PALM2AKAP2: variants seen among roughly 807,000 people sequenced by gnomAD.
PALM2AKAP2 encodes the protein PALM2 and AKAP2 fusion, also known as PALM2-AKAP2 fusion protein.
A neutral mutation model predicts 71.5 loss-of-function variants in PALM2AKAP2; 37 were observed. The observed-to-expected ratio is 0.52, with a 90% CI of 0.40 to 0.68. The LOEUF is 0.68. Ranked by LOEUF, PALM2AKAP2 falls within the 30% of genes least tolerant of loss-of-function variation. The pLI, the probability that PALM2AKAP2 is intolerant of heterozygous loss-of-function variation, is 0.00. For missense variants in PALM2AKAP2, 1,224 were observed against 1,191.8 expected, an observed-to-expected ratio of 1.03 and a Z score of -0.40; for synonymous variants, 468 against 478.8, an observed-to-expected ratio of 0.98 and a Z score of 0.29.
chr9:109,721,798 A>G (rs1828409206), intron 1 of PALM2AKAP2, among the ~76,000 whole-genome samples: 1 of 152,212 alleles, frequency 6.6e-6, no homozygotes, highest in African/African-American at 2.4e-5. Context: ...ATGCTCCATT[A>G]TGGCTAAAGT....
intron 1 of PALM2AKAP2, among the ~76,000 whole-genome samples, chr9:109,802,609 G>A (rs1263870133): frequency 6.6e-6 from 1 of 152,122 alleles, no homozygotes; most frequent in East Asian, 1.9e-4. Context: ...TATCTCCCAG[G>A]GCCTCAGAAT....
At chr9:110,099,866 T>C (rs1189340509) in intron 1 of PALM2AKAP2, among the ~76,000 whole-genome samples, 1 of 151,702 alleles carries the variant, frequency 6.6e-6, no homozygotes, top group African/African-American at 2.4e-5. Context: ...GTAAGTACCT[T>C]TTAGCTTTGT....
chr9:109,777,266 G>A (rs1480149315), upstream of PALM2AKAP2, among the ~76,000 whole-genome samples: 1 of 152,006 alleles, frequency 6.6e-6, no homozygotes, highest in Non-Finnish European at 1.5e-5. Flanking sequence ...TCCCTACTTC[G>A]TTATTCCTTC....
intron 1 of PALM2AKAP2, among the ~76,000 whole-genome samples, chr9:109,693,049 G>A (rs1318442279): frequency 2.0e-5 from 3 of 151,712 alleles, no homozygotes; most frequent in Non-Finnish European, 4.4e-5. Context: ...GTGTAGAATT[G>A]GCATTGCACT....
chr9:109,893,911 C>T (rs868099565), intron 3 of PALM2AKAP2, among the ~76,000 whole-genome samples: 1 of 151,736 alleles, frequency 6.6e-6, no homozygotes, highest in Non-Finnish European at 1.5e-5. Context: ...AGCAAGCCAC[C>T]ATGGTACATG....
intron 3 of PALM2AKAP2, among the ~76,000 whole-genome samples, chr9:109,884,340 C>T (rs7871424): frequency 0.63 from 96,356 of 151,976 alleles, 31,079 homozygotes; most frequent in East Asian, 0.85. Context: ...TGGTCGCCTG[C>T]AATCCCAGCT....
rs768179844 is a variant in PALM2AKAP2, at chr9:110,137,399, G to C, written c.1429G>C (p.Ala477Pro). ...TCCAGAAGACAGTGGTGCCTCAGCC[G>C]CCAAGGGACAGAAATCCCCCGGTGC... Residue 477 changes from alanine to proline, a missense_variant, in exon 2 of 4, where the codon GCC (alanine) becomes CCC (proline). Coordinates refer to ENST00000374525, the Ensembl canonical transcript of PALM2AKAP2. The C allele has an allele frequency of 1.8e-5, 29 of 1,613,982 alleles. No individual in the cohort carries two copies. In the East Asian group the frequency reaches 6.5e-4, roughly 36 times the overall value.
rs868471522 is a variant in PALM2AKAP2 at position 109,922,457 on chromosome 9, A to G, written c.258-1278A>G. Among the ~76,000 whole-genome samples the G allele has an allele frequency of 9.6e-3, 1,255 of 130,146 alleles. 23 individuals carry two copies. Among genetic ancestry groups the G allele is most frequent in the African/African-American group, 0.036 (1,211 of 33,834 alleles). 85.4% of individuals were successfully genotyped at this position (130,146 alleles called of 152,430 possible). On this transcript the variant is annotated intron_variant, in intron 3 of 9. Coordinates refer to the PALM2AKAP2 transcript ENST00000302798. Reference sequence around the variant, plus strand: ...AAAAAAAAAAAAAAAAAAAAAAAAAAGATGGAAAAGGAGGAAGGCAAGGGA... The same window carrying G: ...AAAAAAAAAAAAAAAAAAAAAAAAAGGATGGAAAAGGAGGAAGGCAAGGGA...
Position 109,938,489 on chromosome 9 carries a change from A to T in PALM2AKAP2, c.496+6461A>T, listed in dbSNP as rs536757657. ...ATACATATGCATTTTGTGACATAAC[A>T]TATCTAAGTTTATTTTATTATAAAA... On this transcript the variant is annotated intron_variant, in intron 6 of 9. Transcript: ENST00000302798. Among the ~76,000 whole-genome samples, 3 of 152,260 alleles carry T rather than the reference A, an allele frequency of 2.0e-5. No homozygotes were observed. In the South Asian group the frequency reaches 6.2e-4, roughly 32 times the overall value.
upstream of PALM2AKAP2, among the ~76,000 whole-genome samples, chr9:109,775,274 C>A (rs1829332937): frequency 6.6e-6 from 1 of 152,206 alleles, no homozygotes; most frequent in African/African-American, 2.4e-5. Context: ...TCATTTCTAG[C>A]CAGATTTCCA....
At chr9:110,168,077 C>T (rs999312303) in intron 3 of PALM2AKAP2, among the ~76,000 whole-genome samples, 2 of 152,174 alleles carry the variant, frequency 1.3e-5, no homozygotes, top group Admixed American at 6.5e-5. Flanking sequence ...TGATCTGCTG[C>T]GTGTAGGGAT....
intron 1 of PALM2AKAP2, among the ~76,000 whole-genome samples, chr9:110,115,824 A>G (rs472814): frequency 0.085 from 12,908 of 152,262 alleles, 802 homozygotes; most frequent in East Asian, 0.22. Context: ...ATCAATAGGT[A>G]GCTGATTCCA....
chr9:110,100,061 A>ATATATATATATATATG (rs1186859866), intron 1 of PALM2AKAP2, among the ~76,000 whole-genome samples: 64 of 136,504 alleles, frequency 4.7e-4, no homozygotes, highest in Non-Finnish European at 9.0e-4. Flanking sequence ...CTATATATAT[A>ATATATATATATATATG]TATATATATA....
chr9:109,782,989 GTC>G (rs200689137), intron 1 of PALM2AKAP2, among the ~76,000 whole-genome samples: 2,754 of 152,216 alleles, frequency 0.018, 71 homozygotes, highest in Admixed American at 0.047. Flanking sequence ...CACTCCTGAA[GTC>G]TCTCTGGAGA....
intron 1 of PALM2AKAP2, among the ~76,000 whole-genome samples, chr9:109,660,026 G>T (rs1827366695): frequency 6.6e-6 from 1 of 151,778 alleles, no homozygotes; most frequent in South Asian, 2.1e-4. Context: ...AGAGATGGTG[G>T]TCTCGCCATG....
intron 1 of PALM2AKAP2, among the ~76,000 whole-genome samples, chr9:110,128,720 A>G (rs1293504619): frequency 6.6e-6 from 1 of 152,210 alleles, no homozygotes; most frequent in African/African-American, 2.4e-5. Flanking sequence ...CAGCCTGAGG[A>G]TGGTGGGGCA....
intron 1 of PALM2AKAP2, among the ~76,000 whole-genome samples, chr9:109,772,976 G>T (rs1376628540): frequency 6.6e-6 from 1 of 152,158 alleles, no homozygotes; most frequent in East Asian, 1.9e-4. Flanking sequence ...AAATTAGCCG[G>T]GTGTGGTGGC....
At chr9:109,971,283 CTTT>C (rs11392589) in intron 6 of PALM2AKAP2, among the ~76,000 whole-genome samples, 12 of 45,678 alleles carry the variant, frequency 2.6e-4, no homozygotes, top group African/African-American at 1.5e-3. Context: ...CTCTTAGTCC[CTTT>C]TTTTTTTTTT....
intron 1 of PALM2AKAP2, among the ~76,000 whole-genome samples, chr9:109,839,903 T>G (rs905615551): frequency 6.6e-6 from 1 of 152,128 alleles, no homozygotes; most frequent in African/African-American, 2.4e-5. Flanking sequence ...TGCTCATGGA[T>G]AGGAAAAATC....
Sources: allele counts gnomAD v4.1 joint callset (sites outside exome capture counted in the v4.1 genomes callset), GRCh38; gene constraint gnomAD v4.1.1; transcripts MANE v1.5; gene names NCBI Gene and HGNC (gene_info 2026-07-23, HGNC 2026-07-21).